The following CBR4 variants were observed in gnomAD, a reference collection of about 807,000 sequenced individuals.
CBR4 encodes 3-oxoacyl-[acyl-carrier-protein] reductase.
In CBR4, 22 loss-of-function variants were observed where a neutral mutation model predicts 21.0. The observed-to-expected ratio is 1.05, with a 90% CI of 0.75 to 1.50. The LOEUF (loss-of-function observed/expected upper bound fraction) is 1.50, where lower values mean the gene tolerates loss of function less well. CBR4 is among the 40% of genes most tolerant of loss of function. CBR4 has a pLI of 0.00. For missense variants in CBR4, 302 were observed against 286.3 expected (o/e 1.05, Z -0.40); for synonymous variants, 100 against 104.4 (o/e 0.96, Z 0.26).
intron 2 of CBR4, among the ~76,000 whole-genome samples, chr4:168,924,577 A>G (rs1762215928): frequency 6.6e-6 from 1 of 152,150 alleles, no homozygotes; most frequent in African/African-American, 2.4e-5. Flanking sequence ...TGCGTTACCC[A>G]ATGTAGGATT....
At position 168,922,260 on chromosome 4, in the gene CBR4, A is replaced by G. The variant is rs564941031; in HGVS notation, n.170-27495T>C. On this transcript the variant is annotated intron_variant and non_coding_transcript_variant, in intron 2 of 3. Coordinates refer to the CBR4 transcript ENST00000509108. ...ATTCTGTAAAAGTGCTGTTACATGA[A>G]GTCTTATGCTTTGAGAAGCCTAAAA... 4.6e-5 allele frequency among the ~76,000 whole-genome samples: 7 copies of G among 152,306 alleles called. No individual in the cohort carries two copies. The East Asian group carries it at 1.3e-3, about 29-fold the overall frequency.
At chr4:168,905,213 C>T (rs1437119048) in intron 2 of CBR4, among the ~76,000 whole-genome samples, 13 of 132,234 alleles carry the variant, frequency 9.8e-5, no homozygotes, top group African/African-American at 3.6e-4. Flanking sequence ...TGCAGTGGCG[C>T]GATCTCGGCT....
chr4:168,989,578 A>C lies in CBR4; in HGVS notation c.*572T>G. ...TTAGTGGGCTTGCTAAAGTATTGAC[A>C]ACTAATCAGTGTCCTCTAAATACTC... On this transcript the variant is annotated 3_prime_UTR_variant, in exon 5 of 5. Transcript: ENST00000306193. The C allele has an allele frequency of 1.0e-6, 1 of 985,422 alleles. No homozygotes were observed. The highest frequency in any genetic ancestry group is 6.1e-5 in the Admixed American group (1 of 16,278). The allele number at this position is 985,422 out of a possible 1,614,324, so 61.0% of individuals were successfully genotyped here. A position where few individuals can be genotyped will look rare whatever the true frequency, so the allele number is the denominator to read the frequency against.
chr4:168,952,671 G>A (rs1763574950), intron 2 of CBR4, among the ~76,000 whole-genome samples: 1 of 152,176 alleles, frequency 6.6e-6, no homozygotes, highest in Admixed American at 6.5e-5. Flanking sequence ...CCGAGCTGCA[G>A]TGATTGTTAT....
intron 2 of CBR4, chr4:168,925,349 G>A: frequency 1.7e-6 from 2 of 1,169,554 alleles, no homozygotes; most frequent in South Asian, 1.2e-5. Flanking sequence ...CTAGTTAGTT[G>A]TGGCTTCCTT....
chr4:168,993,827 AG>A (rs895935225), intron 4 of CBR4, among the ~76,000 whole-genome samples: 1 of 152,208 alleles, frequency 6.6e-6, no homozygotes, highest in African/African-American at 2.4e-5. Flanking sequence ...TGCAAATCCC[AG>A]GCTCAACTTC....
intron 2 of CBR4, among the ~76,000 whole-genome samples, chr4:168,897,045 G>T (rs960190522): frequency 6.6e-6 from 1 of 152,104 alleles, no homozygotes; most frequent in African/African-American, 2.4e-5. Context: ...TGGTCAGGCT[G>T]GTCTCGAACT....
chr4:168,945,452 C>T (rs147804089), intron 2 of CBR4, among the ~76,000 whole-genome samples: 4 of 152,308 alleles, frequency 2.6e-5, no homozygotes, highest in African/African-American at 7.2e-5. Flanking sequence ...CAGACCAAGA[C>T]AGTCTGTTCT....
At chr4:168,944,887 T>A (rs1258072978) in intron 2 of CBR4, among the ~76,000 whole-genome samples, 1 of 152,212 alleles carries the variant, frequency 6.6e-6, no homozygotes, top group Non-Finnish European at 1.5e-5. Context: ...GAAATATCAA[T>A]CATAAACTTG....
chr4:168,905,214 G>A (rs1222692093), intron 2 of CBR4, among the ~76,000 whole-genome samples: 1 of 136,046 alleles, frequency 7.4e-6, no homozygotes, highest in Admixed American at 7.9e-5. Context: ...GCAGTGGCGC[G>A]ATCTCGGCTC....
At chr4:168,981,477 A>G (rs1349094337) in intron 2 of CBR4, among the ~76,000 whole-genome samples, 3 of 152,346 alleles carry the variant, frequency 2.0e-5, no homozygotes, top group South Asian at 2.1e-4. Context: ...TAAGAATTTC[A>G]TAACAATCAG....
Position 168,925,270 on chromosome 4 carries a change from AAT to A in CBR4, n.170-30507_170-30506del, listed in dbSNP as rs763877757. 3.1e-6 allele frequency: 5 copies of A among 1,604,346 alleles called. No homozygotes were observed. In the African/African-American group the frequency reaches 6.7e-5, roughly 21 times the overall value. Reference sequence around the variant, plus strand: ...AATAGTGAACCACACCAGGAGAACAAATACCCAAGTATCATTCAGGAACTTTG... The same window carrying A: ...AATAGTGAACCACACCAGGAGAACAAACCCAAGTATCATTCAGGAACTTTG... On this transcript the variant is annotated intron_variant and non_coding_transcript_variant, in intron 2 of 3. Coordinates refer to the CBR4 transcript ENST00000509108.
intron 2 of CBR4, among the ~76,000 whole-genome samples, chr4:168,969,694 A>G (rs1764146831): frequency 6.6e-6 from 1 of 152,164 alleles, no homozygotes; most frequent in East Asian, 1.9e-4. Context: ...AACAGCAACA[A>G]CAACAAAAAC....
Position 168,970,885 on chromosome 4 carries a change from C to T in CBR4, n.169+31186G>A, listed in dbSNP as rs187928126. On this transcript the variant is annotated intron_variant and non_coding_transcript_variant, in intron 2 of 3. Transcript: ENST00000509108. ...CTTCATCTACTCGTTGGTTGATGGGCATTTAGGCTGGTTCCAGATTTTTGC... is the reference window on the plus strand; with the variant it reads ...CTTCATCTACTCGTTGGTTGATGGGTATTTAGGCTGGTTCCAGATTTTTGC... 9.9e-5 allele frequency among the ~76,000 whole-genome samples: 15 copies of T among 152,058 alleles called. No individual in the cohort carries two copies. The East Asian group carries it at 2.9e-3, about 29-fold the overall frequency.
chr4:168,931,351 C>G (rs1762964573), intron 2 of CBR4, among the ~76,000 whole-genome samples: 1 of 152,186 alleles, frequency 6.6e-6, no homozygotes, highest in South Asian at 2.1e-4. Context: ...GTATGAGAAA[C>G]AGTCCAGTGG....
chr4:168,905,960 C>T (rs986394668), intron 2 of CBR4, among the ~76,000 whole-genome samples: 2 of 151,762 alleles, frequency 1.3e-5, no homozygotes, highest in Non-Finnish European at 2.9e-5. Context: ...TTAATAGAGA[C>T]GGGGTTTCAC....
intron 2 of CBR4, among the ~76,000 whole-genome samples, chr4:168,979,018 A>G (rs777488610): frequency 7.9e-5 from 12 of 152,166 alleles, no homozygotes; most frequent in Admixed American, 3.3e-4. Flanking sequence ...AGGAGGGAGC[A>G]AAGAGGTTAG....
At chr4:168,991,464 T>C (rs906980991) in intron 4 of CBR4, among the ~76,000 whole-genome samples, 1 of 152,202 alleles carries the variant, frequency 6.6e-6, no homozygotes, top group Non-Finnish European at 1.5e-5. Flanking sequence ...GGCCAGTATT[T>C]CCCATATCTG....
chr4:168,931,519 T>C (rs1251134698), intron 2 of CBR4, among the ~76,000 whole-genome samples: 3 of 151,798 alleles, frequency 2.0e-5, no homozygotes, highest in Non-Finnish European at 4.4e-5. Context: ...AAGAGCCCCA[T>C]GGGGTCAACC....
Sources: gnomAD v4.1 joint callset for allele counts (sites outside exome capture counted in the v4.1 genomes callset) on GRCh38, gnomAD v4.1.1 for gene constraint, MANE v1.5 for transcripts, NCBI Gene and HGNC (gene_info 2026-07-23, HGNC 2026-07-21) for gene names.